Variants in ENAH observed in about 807,000 individuals in gnomAD.
ENAH encodes the protein ENAH actin regulator, also known as protein enabled homolog.
Under a neutral mutation model 78.7 loss-of-function variants are expected in ENAH, and 23 were observed. The ratio of observed to expected loss-of-function variants is 0.29; its 90% CI spans 0.21 to 0.41. The LOEUF (loss-of-function observed/expected upper bound fraction) is 0.41, where lower values mean the gene tolerates loss of function less well. Ranked by LOEUF, ENAH falls within the 10% of genes least tolerant of loss-of-function variation. The probability of loss-of-function intolerance (pLI) is 1.00; values close to 1 mark genes in which losing one functional copy is unlikely to be tolerated. For missense variants in ENAH, 544 were observed against 691.0 expected, an observed-to-expected ratio of 0.79 and a Z score of 2.39; for synonymous variants, 226 against 241.0, an observed-to-expected ratio of 0.94 and a Z score of 0.58.
intron 7 of ENAH, 59 bp from the exon 8 acceptor site, chr1:225,513,075 A>C: frequency 7.2e-7 from 1 of 1,395,810 alleles, no homozygotes; most frequent in Non-Finnish European, 9.6e-7. Flanking sequence ...ATTTTTATTA[A>C]TATATTACAT....
At position 225,555,103 on chromosome 1, in the gene ENAH, T is replaced by TAATA. The variant is rs776319266; in HGVS notation, c.172-21_172-20insTATT. The stretch of plus-strand genomic sequence containing the variant: ...CACGACCTAAAAAATAATAATTCTT[T>TAATA]ATAAAGTCAAACCAATAATTGGCAA... On this transcript the variant is annotated intron_variant, in intron 2 of 13. Coordinates refer to ENST00000366843, the MANE Select transcript of ENAH (RefSeq NM_018212.6). 1 of 1,499,242 alleles carries TAATA rather than the reference T, an allele frequency of 6.7e-7. No individual in the cohort carries two copies. Among genetic ancestry groups the TAATA allele is most frequent in the South Asian group, 1.4e-5 (1 of 74,054 alleles). The allele number at this position is 1,499,242 out of a possible 1,614,324, so 92.9% of individuals were successfully genotyped here.
In ENAH at chr1:225,519,238, T is replaced by C. The variant is rs1463613163; in HGVS notation, c.762A>G (p.Glu254=). 2.5e-6 allele frequency: 4 copies of C among 1,605,728 alleles called. No homozygotes were observed. The highest frequency in any genetic ancestry group is 3.4e-6 in the Non-Finnish European group (4 of 1,173,216). Residue 254 remains glutamate (E), a synonymous_variant, in exon 5 of 14, where the codon GAA becomes GAG. Coordinates refer to ENST00000366843, the MANE Select transcript of ENAH (RefSeq NM_018212.6). ...ERERQEQLER[E]QLEWERERRI... is the part of the protein sequence containing the mutation. The stretch of plus-strand genomic sequence containing the variant: ...TGCGCTCTCTCTCCCATTCCAGCTG[T>C]TCCCTTTCTAACTGCTCTTGTCGCT...
rs1294637275 is a variant in ENAH at position 225,539,510 on chromosome 1, A to T, written c.350-8872T>A. ...TAGACAATTACATTAGCATCATCTA[A>T]TTAAGTTGCCCATTCCAATCGTGGT... On this transcript the variant is annotated intron_variant, in intron 3 of 13. Coordinates refer to ENST00000366843, the MANE Select transcript of ENAH (RefSeq NM_018212.6). Among the ~76,000 whole-genome samples, 4 of 152,184 alleles carry T rather than the reference A, an allele frequency of 2.6e-5. No individual in the cohort carries two copies. In the East Asian group the frequency reaches 7.7e-4, roughly 29 times the overall value.
intron 4 of ENAH, among the ~76,000 whole-genome samples, chr1:225,522,108 TATTTGGAA>T (rs1398754653): frequency 3.3e-5 from 5 of 152,218 alleles, no homozygotes; most frequent in Non-Finnish European, 7.3e-5. Context: ...CAATAGTTAT[TATTTGGAA>T]ATTTCAAATT....
intron 1 of ENAH, among the ~76,000 whole-genome samples, chr1:225,608,912 A>G (rs1472456129): frequency 6.6e-6 from 1 of 152,026 alleles, no homozygotes; most frequent in Admixed American, 6.5e-5. Flanking sequence ...CACTTGAGTA[A>G]TGCCTTCAAA....
chr1:225,650,848 T>TAAAAAAA (rs746549168), intron 1 of ENAH, among the ~76,000 whole-genome samples: 14 of 58,936 alleles, frequency 2.4e-4, no homozygotes, highest in East Asian at 9.3e-4. Context: ...AGACTGCATT[T>TAAAAAAA]AAAAAAAAAA....
intron 3 of ENAH, among the ~76,000 whole-genome samples, chr1:225,551,834 T>C (rs1374968078): frequency 2.0e-5 from 3 of 152,178 alleles, no homozygotes; most frequent in Non-Finnish European, 1.5e-5. Context: ...TCAATAAGTT[T>C]GTTCTGCTTC....
intron 5 of ENAH, 39 bp from the exon 6 acceptor site, chr1:225,517,345 G>A (rs1458996884): frequency 1.9e-6 from 3 of 1,551,758 alleles, no homozygotes; most frequent in African/African-American, 2.7e-5. Context: ...CTTGGATGAG[G>A]GAGTTGAGGC....
intron 1 of ENAH, among the ~76,000 whole-genome samples, chr1:225,596,192 C>T (rs1315655034): frequency 6.6e-6 from 1 of 152,176 alleles, no homozygotes; most frequent in Non-Finnish European, 1.5e-5. Context: ...AATCCCATTG[C>T]TAGTGAGACA....
chr1:225,510,776 C>T (rs2096370714), intron 10 of ENAH, among the ~76,000 whole-genome samples: 1 of 149,856 alleles, frequency 6.7e-6, no homozygotes, highest in South Asian at 2.1e-4. Context: ...CTTTGGAAGA[C>T]TGAGACAGGT....
In ENAH at chr1:225,489,226, T is replaced by G. The variant is rs2096211848; in HGVS notation, c.*8549A>C. ...ATATAATTGGAGCATGGATCTCGTG[T>G]GGTCCCATTACATGATTGGAATCAG... On this transcript the variant is annotated 3_prime_UTR_variant, in exon 14 of 14. Coordinates refer to ENST00000366843, the MANE Select transcript of ENAH (RefSeq NM_018212.6). 1 of 152,164 alleles carries G rather than the reference T, an allele frequency of 6.6e-6. No individual in the cohort carries two copies. The highest frequency in any genetic ancestry group is 1.5e-5 in the Non-Finnish European group (1 of 68,028). 9.4% of individuals were successfully genotyped at this position (152,164 alleles called of 1,614,324 possible). A position where few individuals can be genotyped will look rare whatever the true frequency, so the allele number is the denominator to read the frequency against.
intron 5 of ENAH, chr1:225,517,924 G>A (rs2151158760): frequency 6.4e-7 from 1 of 1,550,456 alleles, no homozygotes; most frequent in East Asian, 2.4e-5. Flanking sequence ...AGGAGGTGCT[G>A]AAGGAGGCTG....
intron 1 of ENAH, among the ~76,000 whole-genome samples, chr1:225,644,506 C>A (rs533231793): frequency 6.6e-6 from 1 of 152,118 alleles, no homozygotes; most frequent in Non-Finnish European, 1.5e-5. Flanking sequence ...ATTCAAATAA[C>A]CAGTATATAA....
At chr1:225,555,664 AATACAAAAAAGT>A (rs1245606511) in intron 2 of ENAH, among the ~76,000 whole-genome samples, 2 of 152,168 alleles carry the variant, frequency 1.3e-5, no homozygotes, top group African/African-American at 4.8e-5. Flanking sequence ...AAGTTTTACA[AATACAAAAAAGT>A]ATACACAACC....
intron 2 of ENAH, among the ~76,000 whole-genome samples, chr1:225,561,436 A>C (rs1191074847): frequency 6.6e-6 from 1 of 150,744 alleles, no homozygotes; most frequent in Non-Finnish European, 1.5e-5. Context: ...AACCTGGCCA[A>C]CATGGTGAAA....
intron 11 of ENAH, among the ~76,000 whole-genome samples, chr1:225,506,579 CAGTT>C (rs1173608407): frequency 2.0e-5 from 3 of 152,266 alleles, no homozygotes; most frequent in East Asian, 1.9e-4. Context: ...AAGGCCATCT[CAGTT>C]AGGAGTCTGA....
In ENAH at chr1:225,604,621, CAAAAAAA is replaced by C. The variant is rs762454618; in HGVS notation, c.6-37214_6-37208del. ...CAACATGGTAAAACCCCGTCTCTAC[CAAAAAAA>C]AAAAAAAAAAAAAAATTAGCCAGGC... is the stretch of plus-strand genomic sequence containing the variant. On this transcript the variant is annotated intron_variant, in intron 1 of 13. Transcript: ENST00000366843. 0.028 allele frequency among the ~76,000 whole-genome samples: 2,450 copies of C among 88,940 alleles called. 175 individuals are homozygous for C. In the East Asian group the frequency reaches 0.32, roughly 12 times the overall value. The allele number at this position is 88,940 out of a possible 152,430, so 58.3% of individuals were successfully genotyped here. A position where few individuals can be genotyped will look rare whatever the true frequency, so the allele number is the denominator to read the frequency against.
intron 1 of ENAH, among the ~76,000 whole-genome samples, chr1:225,644,643 C>G (rs1012090281): frequency 5.9e-5 from 9 of 152,136 alleles, no homozygotes; most frequent in African/African-American, 2.2e-4. Context: ...CTTCATAAAG[C>G]TCCCCCGCTG....
intron 1 of ENAH, among the ~76,000 whole-genome samples, chr1:225,618,653 T>C (rs1035837948): frequency 1.6e-4 from 25 of 152,230 alleles, no homozygotes; most frequent in Non-Finnish European, 2.4e-4. Context: ...CTCTGAAATA[T>C]AGATGAATTC....
Sources: allele counts gnomAD v4.1 joint callset (sites outside exome capture counted in the v4.1 genomes callset), GRCh38; gene constraint gnomAD v4.1.1; transcripts MANE v1.5; gene names NCBI Gene and HGNC (gene_info 2026-07-23, HGNC 2026-07-21).